Variants in WDR7 observed in about 807,000 individuals in gnomAD.
WDR7 encodes the protein WD repeat-containing protein 7.
WDR7 carries 46 observed loss-of-function variants against 169.4 expected under a neutral mutation model. That is an observed-to-expected ratio of 0.27 (90% confidence interval 0.21 to 0.35). The LOEUF is 0.35. Ranked by LOEUF, WDR7 falls within the 10% of genes least tolerant of loss-of-function variation. The probability of loss-of-function intolerance (pLI) is 1.00; values close to 1 mark genes in which losing one functional copy is unlikely to be tolerated. For missense variants in WDR7, 1,534 were observed against 1,859.3 expected, an observed-to-expected ratio of 0.83 and a Z score of 3.22; for synonymous variants, 612 against 666.8, an observed-to-expected ratio of 0.92 and a Z score of 1.27.
intron 19 of WDR7, among the ~76,000 whole-genome samples, chr18:56,815,306 A>G (rs1028462343): frequency 6.6e-6 from 1 of 152,256 alleles, no homozygotes; most frequent in African/African-American, 2.4e-5. Flanking sequence ...GCACCCTAGT[A>G]TCTGTTGTGA....
rs148349624 is a variant in WDR7 at position 56,984,665 on chromosome 18, C to G, written c.4164+22136C>G. Among the ~76,000 whole-genome samples the G allele has an allele frequency of 2.5e-3, 376 of 152,248 alleles. 2 individuals are homozygous for G. Among genetic ancestry groups the G allele is most frequent in the African/African-American group, 8.5e-3 (353 of 41,542 alleles). On this transcript the variant is annotated intron_variant, in intron 26 of 27. Transcript: ENST00000254442. ...TATATTTAAGTCATTATGTCTTAAT[C>G]CCTATTTATGCAGCACTTTTTAAAT...
chr18:56,709,800 G>A (rs751367663), intron 12 of WDR7, among the ~76,000 whole-genome samples: 6 of 151,910 alleles, frequency 3.9e-5, no homozygotes, highest in Non-Finnish European at 7.4e-5. Flanking sequence ...TTCAAGTTTG[G>A]AGTTTTTCAG....
At chr18:56,987,285 C>CAAAA (rs74182165) in intron 26 of WDR7, among the ~76,000 whole-genome samples, 15 of 75,266 alleles carry the variant, frequency 2.0e-4, no homozygotes, top group Non-Finnish European at 2.5e-4. Flanking sequence ...TCATCTGTAC[C>CAAAA]AAAAAAAAAA....
intron 16 of WDR7, among the ~76,000 whole-genome samples, chr18:56,775,348 C>A (rs1211652747): frequency 2.6e-5 from 4 of 152,020 alleles, no homozygotes; most frequent in Admixed American, 1.3e-4. Flanking sequence ...CTCCTGGCTA[C>A]CAAGGCTTAC....
intron 21 of WDR7, among the ~76,000 whole-genome samples, chr18:56,908,634 T>C (rs758741254): frequency 6.6e-5 from 10 of 152,200 alleles, no homozygotes; most frequent in Admixed American, 1.3e-4. Context: ...GAATAAGTTA[T>C]TTAGGTTTTG....
chr18:56,943,461 C>T (rs1214049883), intron 25 of WDR7, among the ~76,000 whole-genome samples: 3 of 151,872 alleles, frequency 2.0e-5, no homozygotes, highest in Non-Finnish European at 4.4e-5. Context: ...TGACAGATCA[C>T]AAAATGGTGT....
At chr18:57,006,090 C>A (rs568710146) in intron 26 of WDR7, among the ~76,000 whole-genome samples, 87 of 152,186 alleles carry the variant, frequency 5.7e-4, no homozygotes, top group Admixed American at 3.9e-3. Flanking sequence ...GTTTTAGATG[C>A]TTTTTTCTTT....
intron 25 of WDR7, among the ~76,000 whole-genome samples, chr18:56,939,802 G>A (rs76295060): frequency 0.053 from 8,021 of 151,996 alleles, 212 homozygotes; most frequent in Non-Finnish European, 0.065. Flanking sequence ...TAATACCAAG[G>A]CCAGTCTTTG....
intron 16 of WDR7, among the ~76,000 whole-genome samples, chr18:56,764,035 T>C (rs1308902733): frequency 6.6e-6 from 1 of 151,856 alleles, no homozygotes; most frequent in East Asian, 1.9e-4. Flanking sequence ...ATTATTTTTC[T>C]ATTTCACTGG....
intron 20 of WDR7, among the ~76,000 whole-genome samples, chr18:56,837,766 T>G (rs2045418028): frequency 1.3e-5 from 2 of 152,182 alleles, no homozygotes; most frequent in African/African-American, 4.8e-5. Context: ...GTGCAAGCTA[T>G]TCTCCTGCCT....
At chr18:56,691,611 T>G in intron 8 of WDR7, 104 bp from the exon 9 acceptor site, 1 of 995,212 alleles carries the variant, frequency 1.0e-6, no homozygotes, top group Non-Finnish European at 1.4e-6. Context: ...AACTATAATT[T>G]AAAAATCCCC....
intron 16 of WDR7, among the ~76,000 whole-genome samples, chr18:56,775,039 C>T (rs749236995): frequency 6.6e-6 from 1 of 151,950 alleles, no homozygotes; most frequent in Non-Finnish European, 1.5e-5. Flanking sequence ...CTGCCAGTAA[C>T]GTTTCTAGTT....
chr18:56,922,178 TATC>T (rs1361185027), intron 21 of WDR7, among the ~76,000 whole-genome samples: 2 of 152,154 alleles, frequency 1.3e-5, no homozygotes, highest in Admixed American at 6.5e-5. Context: ...CATTTTGAAA[TATC>T]ATTCTGACAA....
At chr18:56,694,109 A>G (rs973922465) in intron 9 of WDR7, among the ~76,000 whole-genome samples, 3 of 151,860 alleles carry the variant, frequency 2.0e-5, no homozygotes, top group African/African-American at 7.3e-5. Context: ...CCTGGCCTCA[A>G]GCGATCTTCC....
intron 21 of WDR7, among the ~76,000 whole-genome samples, chr18:56,891,987 A>G (rs2046270174): frequency 1.3e-5 from 2 of 152,230 alleles, no homozygotes; most frequent in Admixed American, 6.5e-5. Flanking sequence ...TAAATAATAT[A>G]TGTTGTATAA....
chr18:56,811,960 A>G (rs985624799), intron 19 of WDR7, among the ~76,000 whole-genome samples: 4 of 152,076 alleles, frequency 2.6e-5, no homozygotes, highest in African/African-American at 9.7e-5. Context: ...TTTGTCTTTC[A>G]TATAATTTTA....
At chr18:56,948,499 TA>T (rs2047137488) in intron 25 of WDR7, among the ~76,000 whole-genome samples, 1 of 152,202 alleles carries the variant, frequency 6.6e-6, no homozygotes. Flanking sequence ...CTCAGTTCAG[TA>T]ACTGTGCTTG....
chr18:56,685,881 C>G (rs988498161), intron 5 of WDR7, 75 bp from the exon 6 acceptor site: 6 of 1,180,780 alleles, frequency 5.1e-6, no homozygotes, highest in Non-Finnish European at 6.0e-6. Flanking sequence ...TTTATTCAAG[C>G]AAAACATCTT....
rs756476778 is a variant in WDR7, at chr18:57,027,023, G to A, written c.4289G>A (p.Gly1430Glu). The A allele has an allele frequency of 6.2e-7, 1 of 1,614,050 alleles. No homozygotes were observed. The highest frequency in any genetic ancestry group is 1.3e-5 in the African/African-American group (1 of 75,024). ...CTCCAGATGAACACGTCACTGCTGG[G>A]AAGCATCGGCATGCTGAACTCGGCA... Reference protein sequence around the residue: ...SFWQMNTSLLGSIGMLNSAPQ... With the variant: ...SFWQMNTSLLESIGMLNSAPQ... Residue 1430 changes from glycine to glutamate, a missense_variant, in exon 28 of 28, where the codon GGA becomes GAA. By Grantham distance (98) the Gly-to-Glu change is moderately conservative. Coordinates refer to ENST00000254442, the MANE Select transcript of WDR7 (RefSeq NM_015285.3).
Sources: gnomAD v4.1 joint callset for allele counts (sites outside exome capture counted in the v4.1 genomes callset) on GRCh38, gnomAD v4.1.1 for gene constraint, MANE v1.5 for transcripts, NCBI Gene and HGNC (gene_info 2026-07-23, HGNC 2026-07-21) for gene names.